Variants in ITPK1 observed in about 807,000 individuals in gnomAD.
ITPK1 encodes the protein inositol-tetrakisphosphate 1-kinase.
Under a neutral mutation model 45.3 loss-of-function variants are expected in ITPK1, and 21 were observed. The ratio of observed to expected loss-of-function variants is 0.46; its 90% CI spans 0.33 to 0.67. The LOEUF is 0.67. Among genes scored for constraint, ITPK1 ranks in the 30% least tolerant of loss-of-function variants. The pLI is 0.02. For missense variants in ITPK1, 474 were observed against 573.5 expected (o/e 0.83, Z 1.77); for synonymous variants, 258 against 253.6 (o/e 1.02, Z -0.16).
At chr14:93,017,641 C>T (rs1566737362) in intron 3 of ITPK1, among the ~76,000 whole-genome samples, 3 of 152,220 alleles carry the variant, frequency 2.0e-5, no homozygotes, top group South Asian at 2.1e-4. Context: ...AAGGCCAGTG[C>T]CTCGGAGGCA....
rs150080469 is a variant in ITPK1, at chr14:93,051,755, G to A, written c.120+24840C>T. On this transcript the variant is annotated intron_variant, in intron 3 of 10. Coordinates refer to ENST00000267615, the MANE Select transcript of ITPK1 (RefSeq NM_014216.6). The stretch of plus-strand genomic sequence containing the variant: ...GCGTGAAAGCCAATTCAATGAGACC[G>A]GAAACCACCCTGTGCCTCCAAATGT... Among the ~76,000 whole-genome samples, 74 of 152,340 alleles carry A rather than the reference G, an allele frequency of 4.9e-4. No homozygotes were observed. In the East Asian group the frequency reaches 0.011, roughly 23 times the overall value.
At chr14:93,094,086 C>G (rs756490052) in intron 2 of ITPK1, among the ~76,000 whole-genome samples, 5 of 152,230 alleles carry the variant, frequency 3.3e-5, no homozygotes, top group Admixed American at 1.3e-4. Flanking sequence ...CATCCCAGCT[C>G]TTACACCTGG....
chr14:93,037,932 T>C (rs1889388578), intron 3 of ITPK1, among the ~76,000 whole-genome samples: 1 of 152,270 alleles, frequency 6.6e-6, no homozygotes, highest in Non-Finnish European at 1.5e-5. Flanking sequence ...TTGTATTACA[T>C]AACGTACTCC....
At chr14:93,042,360 C>A (rs946053955) in intron 3 of ITPK1, among the ~76,000 whole-genome samples, 3 of 152,220 alleles carry the variant, frequency 2.0e-5, no homozygotes, top group Admixed American at 2.0e-4. Flanking sequence ...AGCTTCGACC[C>A]TAATCCCTGA....
At chr14:92,971,540 G>A (rs56333039) in intron 5 of ITPK1, among the ~76,000 whole-genome samples, 4 of 152,230 alleles carry the variant, frequency 2.6e-5, no homozygotes, top group African/African-American at 4.8e-5. Flanking sequence ...ACCGTCATAC[G>A]CAAGGTCTGC....
intron 2 of ITPK1, among the ~76,000 whole-genome samples, chr14:93,109,080 G>A (rs1010506505): frequency 6.6e-5 from 10 of 152,254 alleles, no homozygotes; most frequent in Admixed American, 5.2e-4. Context: ...TCCTCATCTA[G>A]CAATGTACAC....
chr14:92,940,675 C>A lies in ITPK1; in HGVS notation c.*886G>T. On this transcript the variant is annotated 3_prime_UTR_variant, in exon 11 of 11. Transcript: ENST00000267615. ...CATCCCAGGGGTTAGGGCACAAAGC[C>A]AGCCCTGTGGTGCTCTCTGATCTCA... The A allele has an allele frequency of 7.8e-7, 1 of 1,274,516 alleles. No homozygotes were observed. The highest frequency in any genetic ancestry group is 2.4e-5 in the Admixed American group (1 of 41,514). 79.0% of individuals were successfully genotyped at this position (1,274,516 alleles called of 1,614,324 possible). A position where few individuals can be genotyped will look rare whatever the true frequency, so the allele number is the denominator to read the frequency against.
At chr14:93,087,555 G>A (rs1413711762) in intron 2 of ITPK1, among the ~76,000 whole-genome samples, 1 of 152,242 alleles carries the variant, frequency 6.6e-6, no homozygotes, top group Non-Finnish European at 1.5e-5. Context: ...AATCCCATCT[G>A]TAGTCATGTC....
At chr14:93,083,287 C>T (rs1891514824) in intron 2 of ITPK1, among the ~76,000 whole-genome samples, 1 of 152,116 alleles carries the variant, frequency 6.6e-6, no homozygotes, top group South Asian at 2.1e-4. Context: ...ACAAAAGGCT[C>T]AGGGACCATG....
chr14:93,009,396 C>G, intron 4 of ITPK1, among the ~76,000 whole-genome samples: 1 of 152,210 alleles, frequency 6.6e-6, no homozygotes, highest in East Asian at 1.9e-4. Context: ...CTTTGGGGTG[C>G]CCTCTCCTGC....
intron 2 of ITPK1, among the ~76,000 whole-genome samples, chr14:93,110,133 G>T (rs1014142319): frequency 2.0e-5 from 3 of 152,180 alleles, no homozygotes; most frequent in Admixed American, 1.3e-4. Flanking sequence ...GTCAGTCGTG[G>T]AGTCAGGCCT....
intron 3 of ITPK1, among the ~76,000 whole-genome samples, chr14:93,038,178 G>A (rs1889398603): frequency 1.3e-5 from 2 of 152,024 alleles, no homozygotes; most frequent in Admixed American, 1.3e-4. Flanking sequence ...GGGACTACAG[G>A]TGTGAGCAAT....
At chr14:93,115,334 C>G in intron 1 of ITPK1, 29 bp from the exon 2 acceptor site, 1 of 279,092 alleles carries the variant, frequency 3.6e-6, no homozygotes, top group South Asian at 1.6e-4. Context: ...CGGGGCGGGG[C>G]GCGGCGGGCG....
At chr14:92,978,701 C>T (rs2139777471) in intron 5 of ITPK1, among the ~76,000 whole-genome samples, 1 of 152,156 alleles carries the variant, frequency 6.6e-6, no homozygotes, top group African/African-American at 2.4e-5. Flanking sequence ...GCCTTGGTGG[C>T]TTCCACATGG....
chr14:92,945,600 G>T (rs920688826), intron 10 of ITPK1, among the ~76,000 whole-genome samples: 4 of 152,234 alleles, frequency 2.6e-5, no homozygotes, highest in Non-Finnish European at 5.9e-5. Flanking sequence ...CTGAGCTGCT[G>T]CGGGAGGTAA....
At chr14:93,045,552 G>A (rs139658286) in intron 3 of ITPK1, among the ~76,000 whole-genome samples, 1 of 152,294 alleles carries the variant, frequency 6.6e-6, no homozygotes, top group East Asian at 1.9e-4. Context: ...CTCAGGAGGA[G>A]GAGGTGAGAG....
At chr14:93,010,520 G>A (rs1887837698) in intron 4 of ITPK1, among the ~76,000 whole-genome samples, 1 of 152,238 alleles carries the variant, frequency 6.6e-6, no homozygotes, top group South Asian at 2.1e-4. Flanking sequence ...CAGGTGAAGG[G>A]TGGGGCTAGG....
chr14:93,005,146 T>C (rs865792649), intron 4 of ITPK1, among the ~76,000 whole-genome samples: 4 of 152,022 alleles, frequency 2.6e-5, no homozygotes, highest in Admixed American at 6.6e-5. Flanking sequence ...GAGCTGGGGA[T>C]GGATGCGGTC....
intron 3 of ITPK1, among the ~76,000 whole-genome samples, chr14:93,045,130 C>G (rs1003297542): frequency 6.6e-6 from 1 of 152,246 alleles, no homozygotes; most frequent in Non-Finnish European, 1.5e-5. Context: ...GGCACTGGTT[C>G]CTTGCCCTTG....
Sources: gnomAD v4.1 joint callset for allele counts (sites outside exome capture counted in the v4.1 genomes callset) on GRCh38, gnomAD v4.1.1 for gene constraint, MANE v1.5 for transcripts, NCBI Gene and HGNC (gene_info 2026-07-23, HGNC 2026-07-21) for gene names.